KHDRBS3: variants seen among roughly 807,000 people sequenced by gnomAD.
KHDRBS3 encodes KH RNA binding domain containing, signal transduction associated 3, also known as KH domain-containing, RNA-binding, signal transduction-associated protein 3.
KHDRBS3 carries 23 observed loss-of-function variants against 45.6 expected under a neutral mutation model. The observed-to-expected ratio is 0.50, with a 90% CI of 0.36 to 0.72. The LOEUF is 0.72. Among genes scored for constraint, KHDRBS3 ranks in the 30% least tolerant of loss-of-function variants. The pLI is 0.00. For missense variants in KHDRBS3, 352 were observed against 424.8 expected (o/e 0.83, Z 1.51); for synonymous variants, 162 against 156.5 (o/e 1.04, Z -0.26).
chr8:135,485,329 A>C (rs1454297871), intron 1 of KHDRBS3, among the ~76,000 whole-genome samples: 1 of 152,228 alleles, frequency 6.6e-6, no homozygotes, highest in Non-Finnish European at 1.5e-5. Flanking sequence ...ATGAGACAAG[A>C]AAAATTACAC....
chr8:135,568,884 C>T (rs1195491021), intron 5 of KHDRBS3, among the ~76,000 whole-genome samples: 1 of 152,188 alleles, frequency 6.6e-6, no homozygotes, highest in East Asian at 1.9e-4. Flanking sequence ...CTGGTGCCTA[C>T]ATTTTATAGT....
chr8:135,462,984 C>A (rs1821507522), intron 1 of KHDRBS3, among the ~76,000 whole-genome samples: 1 of 152,144 alleles, frequency 6.6e-6, no homozygotes, highest in Non-Finnish European at 1.5e-5. Context: ...TATATAGCAT[C>A]CATTTTCATA....
At chr8:135,625,537 G>T in intron 7 of KHDRBS3, 1 of 867,868 alleles carries the variant, frequency 1.2e-6, no homozygotes, top group Non-Finnish European at 2.0e-6. Context: ...GAGGTTTCTT[G>T]GGTGTATTCA....
At chr8:135,489,600 C>T (rs1823036780) in intron 1 of KHDRBS3, among the ~76,000 whole-genome samples, 1 of 152,182 alleles carries the variant, frequency 6.6e-6, no homozygotes, top group African/African-American at 2.4e-5. Flanking sequence ...ATCGCTTGAA[C>T]TCAAAAGGTA....
At chr8:135,509,974 CTTTT>C (rs1237666093) in intron 1 of KHDRBS3, among the ~76,000 whole-genome samples, 3 of 122,926 alleles carry the variant, frequency 2.4e-5, no homozygotes, top group Non-Finnish European at 4.9e-5. Flanking sequence ...TTCCCCCCCC[CTTTT>C]TTTTTTTTTT....
chr8:135,465,890 A>G (rs1448726371), intron 1 of KHDRBS3, among the ~76,000 whole-genome samples: 3 of 152,208 alleles, frequency 2.0e-5, no homozygotes, highest in African/African-American at 4.8e-5. Context: ...TTTTCGATAT[A>G]TATCTTACAC....
chr8:135,483,717 T>A (rs1822703427), intron 1 of KHDRBS3, among the ~76,000 whole-genome samples: 1 of 152,202 alleles, frequency 6.6e-6, no homozygotes, highest in Non-Finnish European at 1.5e-5. Context: ...CCTGTCCATC[T>A]GCCGTCTCTT....
chr8:135,616,551 G>A (rs1180557801), intron 7 of KHDRBS3, among the ~76,000 whole-genome samples: 3 of 152,178 alleles, frequency 2.0e-5, no homozygotes, highest in Non-Finnish European at 4.4e-5. Context: ...AGTCCACCAG[G>A]GAGATGTACT....
At chr8:135,552,814 T>G (rs1214524749) in intron 4 of KHDRBS3, among the ~76,000 whole-genome samples, 1 of 152,166 alleles carries the variant, frequency 6.6e-6, no homozygotes, top group Non-Finnish European at 1.5e-5. Flanking sequence ...GTGTCAGCAC[T>G]GCTTAGTGGA....
At chr8:135,584,594 G>T (rs769956443) in intron 6 of KHDRBS3, among the ~76,000 whole-genome samples, 1 of 152,240 alleles carries the variant, frequency 6.6e-6, no homozygotes, top group African/African-American at 2.4e-5. Flanking sequence ...CACAGTTATA[G>T]TAAAAGCTTC....
chr8:135,577,285 A>G (rs1827990254), intron 5 of KHDRBS3, among the ~76,000 whole-genome samples: 1 of 152,130 alleles, frequency 6.6e-6, no homozygotes, highest in Non-Finnish European at 1.5e-5. Flanking sequence ...TAGTGTGCAA[A>G]CATGAAAATT....
chr8:135,468,329 G>C (rs1267446909), intron 1 of KHDRBS3, among the ~76,000 whole-genome samples: 1 of 152,154 alleles, frequency 6.6e-6, no homozygotes, highest in Non-Finnish European at 1.5e-5. Context: ...AGGTGCCCTG[G>C]TTTCTTTTAG....
chr8:135,484,075 C>G (rs934059435), intron 1 of KHDRBS3, among the ~76,000 whole-genome samples: 2 of 152,058 alleles, frequency 1.3e-5, no homozygotes, highest in African/African-American at 4.8e-5. Flanking sequence ...CCTACATTTC[C>G]TCAGTAAATT....
At chr8:135,543,610 A>G (rs139286668) in intron 3 of KHDRBS3, among the ~76,000 whole-genome samples, 1 of 152,302 alleles carries the variant, frequency 6.6e-6, no homozygotes, top group East Asian at 1.9e-4. Context: ...TTCAGCTGCT[A>G]CTGTGAGTCA....
chr8:135,598,103 A>G (rs1343555192), intron 6 of KHDRBS3, among the ~76,000 whole-genome samples: 1 of 152,188 alleles, frequency 6.6e-6, no homozygotes, highest in East Asian at 1.9e-4. Flanking sequence ...TTACCTAAAA[A>G]CCAAAGTAGT....
chr8:135,574,454 G>A (rs962808165), intron 5 of KHDRBS3, among the ~76,000 whole-genome samples: 1 of 152,170 alleles, frequency 6.6e-6, no homozygotes, highest in Non-Finnish European at 1.5e-5. Context: ...TTTCATACAC[G>A]AGTGGTGCAT....
chr8:135,505,945 C>T (rs995511192), intron 1 of KHDRBS3, among the ~76,000 whole-genome samples: 4 of 152,170 alleles, frequency 2.6e-5, no homozygotes, highest in African/African-American at 4.8e-5. Context: ...ATTCCCGATT[C>T]GCAGAACCTC....
intron 4 of KHDRBS3, chr8:135,550,014 G>T (rs1257494603): frequency 6.6e-6 from 1 of 152,188 alleles, no homozygotes; most frequent in Non-Finnish European, 1.5e-5. Flanking sequence ...GTAGGCAGAT[G>T]TGAACTAATA....
At chr8:135,547,772 T>G (rs1251096090) in intron 3 of KHDRBS3, among the ~76,000 whole-genome samples, 3 of 152,180 alleles carry the variant, frequency 2.0e-5, no homozygotes, top group Non-Finnish European at 4.4e-5. Context: ...ATTTCTTATC[T>G]TTTGGAAATT....
Sources: gnomAD v4.1 joint callset for allele counts (sites outside exome capture counted in the v4.1 genomes callset) on GRCh38, gnomAD v4.1.1 for gene constraint, MANE v1.5 for transcripts, NCBI Gene and HGNC (gene_info 2026-07-23, HGNC 2026-07-21) for gene names.